The following ELMO1 variants were observed in gnomAD, a reference collection of about 807,000 sequenced individuals.
ELMO1 encodes the protein engulfment and cell motility 1.
ELMO1 carries 26 observed loss-of-function variants against 98.9 expected under a neutral mutation model. The observed-to-expected ratio is 0.26, with a 90% confidence interval of 0.19 to 0.36. The LOEUF (loss-of-function observed/expected upper bound fraction) is 0.36, where lower values mean the gene tolerates loss of function less well. Among genes scored for constraint, ELMO1 ranks in the 10% least tolerant of loss-of-function variants. The pLI, the probability that ELMO1 is intolerant of heterozygous loss-of-function variation, is 1.00. For missense variants in ELMO1, 627 were observed against 935.2 expected (o/e 0.67, Z 4.30); for synonymous variants, 346 against 346.0 (o/e 1.00, Z 0.00).
intron 6 of ELMO1, among the ~76,000 whole-genome samples, chr7:37,245,904 T>C (rs948812215): frequency 1.3e-5 from 2 of 152,172 alleles, no homozygotes; most frequent in Non-Finnish European, 2.9e-5. Context: ...TCAATAATAA[T>C]AGTGATAGAT....
chr7:37,017,132 T>C (rs1369683153), intron 15 of ELMO1, among the ~76,000 whole-genome samples: 2 of 152,180 alleles, frequency 1.3e-5, no homozygotes, highest in Non-Finnish European at 1.5e-5. Context: ...AGGGTTACGC[T>C]CCCCTTCTGG....
intron 15 of ELMO1, among the ~76,000 whole-genome samples, chr7:37,058,952 G>T (rs971701534): frequency 2.0e-5 from 3 of 152,156 alleles, no homozygotes; most frequent in African/African-American, 7.2e-5. Flanking sequence ...GGGGATGCTG[G>T]GGAAGGGTCT....
intron 15 of ELMO1, among the ~76,000 whole-genome samples, chr7:37,078,102 A>C (rs1797680109): frequency 1.3e-5 from 2 of 152,210 alleles, no homozygotes; most frequent in Non-Finnish European, 1.5e-5. Context: ...GAGGCCCCTG[A>C]AAATATTTTA....
At chr7:37,168,203 T>C (rs1456417061) in intron 13 of ELMO1, among the ~76,000 whole-genome samples, 5 of 152,292 alleles carry the variant, frequency 3.3e-5, no homozygotes, top group East Asian at 3.9e-4. Context: ...CTCCTTTAAG[T>C]ACTTCTCTGT....
intron 8 of ELMO1, among the ~76,000 whole-genome samples, chr7:37,229,028 C>G (rs918925523): frequency 1.3e-5 from 2 of 152,068 alleles, no homozygotes; most frequent in East Asian, 1.9e-4. Context: ...CCATGGAGAA[C>G]ATGAAGCTCC....
At position 37,197,658 on chromosome 7, in the gene ELMO1, GC is replaced by G. The variant is rs538499066; in HGVS notation, c.1086+13727del. Among the ~76,000 whole-genome samples, 638 of 152,354 alleles carry G rather than the reference GC, an allele frequency of 4.2e-3. 4 individuals carry two copies. The highest frequency in any genetic ancestry group is 6.0e-3 in the Non-Finnish European group (409 of 68,024). On this transcript the variant is annotated intron_variant, in intron 13 of 21. Coordinates refer to ENST00000310758, the MANE Select transcript of ELMO1 (RefSeq NM_014800.11). Reference sequence around the variant, plus strand: ...GCCATCAAAAGCAGGTCAATGGGAAGCAGGTAACTGGATCACAGGACTCTTA... The same window carrying G: ...GCCATCAAAAGCAGGTCAATGGGAAGAGGTAACTGGATCACAGGACTCTTA...
chr7:37,156,445 A>G (rs1167420262), intron 13 of ELMO1, among the ~76,000 whole-genome samples: 1 of 152,208 alleles, frequency 6.6e-6, no homozygotes, highest in African/African-American at 2.4e-5. Flanking sequence ...AAAGAAGAAA[A>G]GAGTGAAAAA....
intron 1 of ELMO1, among the ~76,000 whole-genome samples, chr7:37,352,425 C>T (rs972845159): frequency 2.0e-5 from 3 of 152,196 alleles, no homozygotes; most frequent in Non-Finnish European, 4.4e-5. Flanking sequence ...TTCAAAGTTT[C>T]CTTTACTGCA....
At chr7:37,217,532 G>A (rs138529709) in intron 10 of ELMO1, among the ~76,000 whole-genome samples, 2 of 151,658 alleles carry the variant, frequency 1.3e-5, no homozygotes, top group East Asian at 1.9e-4. Flanking sequence ...CTAAGCCACG[G>A]TTTAAAAACT....
intron 16 of ELMO1, among the ~76,000 whole-genome samples, chr7:36,983,201 C>A (rs944224255): frequency 6.6e-6 from 1 of 152,150 alleles, no homozygotes; most frequent in East Asian, 1.9e-4. Flanking sequence ...GTAAATTGAC[C>A]CAAATCATAC....
intron 1 of ELMO1, among the ~76,000 whole-genome samples, chr7:37,351,698 T>C (rs535817379): frequency 1.3e-5 from 2 of 152,332 alleles, no homozygotes; most frequent in African/African-American, 2.4e-5. Flanking sequence ...TCCCTTACAA[T>C]TGAAAAACTC....
At chr7:37,133,033 G>A (rs926922928) in intron 14 of ELMO1, 97 bp downstream of exon 14, 8 of 752,160 alleles carry the variant, frequency 1.1e-5, no homozygotes, top group African/African-American at 3.6e-5. Context: ...AGAAAATATG[G>A]GGTCACTCAT....
chr7:37,384,534 C>A, intron 1 of ELMO1, among the ~76,000 whole-genome samples: 1 of 152,016 alleles, frequency 6.6e-6, no homozygotes, highest in Middle Eastern at 3.2e-3. Flanking sequence ...TCCTGGCTAA[C>A]AAGGTGAAAC....
intron 15 of ELMO1, among the ~76,000 whole-genome samples, chr7:37,074,342 GT>G (rs1797445501): frequency 6.6e-6 from 1 of 151,970 alleles, no homozygotes; most frequent in African/African-American, 2.4e-5. Context: ...TTAATATTCT[GT>G]TTTGCTTCTA....
intron 15 of ELMO1, among the ~76,000 whole-genome samples, chr7:37,031,916 G>A (rs1432059645): frequency 6.6e-6 from 1 of 152,166 alleles, no homozygotes; most frequent in Non-Finnish European, 1.5e-5. Context: ...CATGACCACA[G>A]GAGAAGGCTC....
intron 15 of ELMO1, among the ~76,000 whole-genome samples, chr7:37,066,503 G>A (rs574308706): frequency 2.6e-5 from 4 of 152,328 alleles, no homozygotes; most frequent in Non-Finnish European, 5.9e-5. Flanking sequence ...ATTCTCCAAA[G>A]AAGGCACTGT....
intron 14 of ELMO1, among the ~76,000 whole-genome samples, chr7:37,112,173 G>C (rs776915732): frequency 1.3e-5 from 2 of 152,116 alleles, no homozygotes; most frequent in Non-Finnish European, 2.9e-5. Context: ...ATGGTCCAGT[G>C]ACAGAAAGTA....
intron 4 of ELMO1, among the ~76,000 whole-genome samples, chr7:37,276,936 A>G (rs965734734): frequency 6.6e-6 from 1 of 152,158 alleles, no homozygotes; most frequent in Non-Finnish European, 1.5e-5. Context: ...AGTGCTGTCT[A>G]TGTGCTTTTA....
chr7:37,175,836 G>C (rs1342206150), intron 13 of ELMO1, among the ~76,000 whole-genome samples: 1 of 151,502 alleles, frequency 6.6e-6, no homozygotes, highest in African/African-American at 2.4e-5. Flanking sequence ...GACAGAGTGA[G>C]ATTCTGTCTC....
Sources: allele counts gnomAD v4.1 joint callset (sites outside exome capture counted in the v4.1 genomes callset), GRCh38; gene constraint gnomAD v4.1.1; transcripts MANE v1.5; gene names NCBI Gene and HGNC (gene_info 2026-07-23, HGNC 2026-07-21).